Variants in RBMS3 observed in about 807,000 individuals in gnomAD.
The protein encoded by RBMS3 is RNA-binding motif, single-stranded-interacting protein 3.
A neutral mutation model predicts 66.8 loss-of-function variants in RBMS3; 27 were observed. The ratio of observed to expected loss-of-function variants is 0.40; its 90% CI spans 0.30 to 0.56. RBMS3 has a LOEUF of 0.56. RBMS3 is among the 20% of genes least tolerant of loss of function. The pLI, the probability that RBMS3 is intolerant of heterozygous loss-of-function variation, is 0.40. For synonymous variants in RBMS3, 188 were observed against 183.0 expected, an observed-to-expected ratio of 1.03 and a Z score of -0.22; for missense variants, 513 against 549.5, an observed-to-expected ratio of 0.93 and a Z score of 0.66.
intron 4 of RBMS3, among the ~76,000 whole-genome samples, chr3:29,687,548 C>G (rs1172981780): frequency 2.6e-5 from 4 of 152,076 alleles, no homozygotes; most frequent in Non-Finnish European, 5.9e-5. Flanking sequence ...CAATTTAATC[C>G]CCATTTTCCT....
chr3:29,985,006 A>T (rs924151279), intron 12 of RBMS3, among the ~76,000 whole-genome samples: 5 of 152,210 alleles, frequency 3.3e-5, no homozygotes, highest in African/African-American at 1.2e-4. Context: ...ACAGCCACTC[A>T]TACCCACAGG....
intron 4 of RBMS3, among the ~76,000 whole-genome samples, chr3:29,710,823 G>T (rs1306466218): frequency 6.6e-6 from 1 of 151,994 alleles, no homozygotes; most frequent in Non-Finnish European, 1.5e-5. Context: ...TTTATTACTT[G>T]TCACTGATTT....
chr3:29,466,120 G>C (rs2042533458), intron 2 of RBMS3, among the ~76,000 whole-genome samples: 1 of 151,894 alleles, frequency 6.6e-6, no homozygotes, highest in African/African-American at 2.4e-5. Flanking sequence ...TGCTTTTAAT[G>C]AACTATAAAA....
chr3:29,708,766 ACTAT>A lies in RBMS3; in HGVS notation c.400-30950_400-30947del, dbSNP rs1471787683. ...ATCTATTAGGAATCATCATAAGAAG[ACTAT>A]CTAACTTTGGCAGTATTGAAGGATG... is the stretch of plus-strand genomic sequence containing the variant. On this transcript the variant is annotated intron_variant, in intron 4 of 14. Coordinates refer to ENST00000383767, the MANE Select transcript of RBMS3 (RefSeq NM_001003793.3). 2.0e-5 allele frequency among the ~76,000 whole-genome samples: 3 copies of A among 152,172 alleles called. No individual in the cohort carries two copies. The East Asian group carries it at 5.8e-4, about 29-fold the overall frequency.
chr3:29,645,389 T>C (rs776764246), intron 4 of RBMS3, among the ~76,000 whole-genome samples: 1 of 152,162 alleles, frequency 6.6e-6, no homozygotes, highest in Non-Finnish European at 1.5e-5. Flanking sequence ...TCTGCCAGGG[T>C]GTCTGGTGCT....
chr3:29,524,990 G>A (rs1018561994), intron 3 of RBMS3, among the ~76,000 whole-genome samples: 5 of 151,902 alleles, frequency 3.3e-5, no homozygotes, highest in African/African-American at 1.2e-4. Flanking sequence ...GGAGTTCTAG[G>A]GTGCGGTGAG....
At chr3:29,908,020 G>A (rs2060425132) in intron 10 of RBMS3, among the ~76,000 whole-genome samples, 1 of 152,048 alleles carries the variant, frequency 6.6e-6, no homozygotes, top group Non-Finnish European at 1.5e-5. Context: ...GGCCAAGGCA[G>A]GCAGATTGCT....
chr3:29,595,078 G>T (rs2047896895), intron 4 of RBMS3, among the ~76,000 whole-genome samples: 1 of 152,156 alleles, frequency 6.6e-6, no homozygotes, highest in Non-Finnish European at 1.5e-5. Flanking sequence ...TGAAGGATAT[G>T]TGTGGAATTC....
At chr3:29,498,576 A>C (rs1280577236) in intron 3 of RBMS3, among the ~76,000 whole-genome samples, 2 of 152,208 alleles carry the variant, frequency 1.3e-5, no homozygotes, top group Non-Finnish European at 2.9e-5. Context: ...TTTCTAATTG[A>C]AGTCTATACC....
chr3:29,600,686 A>G (rs893301056), intron 4 of RBMS3, among the ~76,000 whole-genome samples: 1 of 152,156 alleles, frequency 6.6e-6, no homozygotes, highest in Non-Finnish European at 1.5e-5. Flanking sequence ...CCTGCTCGAC[A>G]AAGTCTCTGC....
intron 10 of RBMS3, among the ~76,000 whole-genome samples, chr3:29,923,770 G>A (rs992073167): frequency 1.3e-5 from 2 of 151,488 alleles, no homozygotes; most frequent in African/African-American, 4.9e-5. Context: ...TTTTATAGAA[G>A]TTTTGTAAGG....
intron 6 of RBMS3, among the ~76,000 whole-genome samples, chr3:29,776,601 C>T (rs566228707): frequency 2.2e-4 from 34 of 152,008 alleles, no homozygotes; most frequent in African/African-American, 7.7e-4. Context: ...TTCTATAGCC[C>T]CACAAAGAAT....
chr3:29,934,982 A>C (rs1271719300), intron 10 of RBMS3, among the ~76,000 whole-genome samples: 1 of 152,164 alleles, frequency 6.6e-6, no homozygotes, highest in Non-Finnish European at 1.5e-5. Context: ...CTGTCCAGTG[A>C]GAAAAATAAT....
intron 8 of RBMS3, among the ~76,000 whole-genome samples, chr3:29,892,292 G>C (rs2060018463): frequency 6.6e-6 from 1 of 151,460 alleles, no homozygotes; most frequent in Non-Finnish European, 1.5e-5. Context: ...TTAATATTTT[G>C]TTCATGTGAA....
chr3:29,794,021 C>G (rs970088694), intron 6 of RBMS3, among the ~76,000 whole-genome samples: 1 of 152,156 alleles, frequency 6.6e-6, no homozygotes, highest in Non-Finnish European at 1.5e-5. Flanking sequence ...TGCCATGTGA[C>G]GTGCCTGCTT....
intron 4 of RBMS3, among the ~76,000 whole-genome samples, chr3:29,608,610 C>T (rs1576351222): frequency 6.6e-6 from 1 of 151,994 alleles, no homozygotes; most frequent in East Asian, 1.9e-4. Flanking sequence ...AAGTTTTATA[C>T]ATAGTTTAAC....
intron 1 of RBMS3, among the ~76,000 whole-genome samples, chr3:29,286,003 C>A (rs1008270566): frequency 6.6e-6 from 1 of 152,108 alleles, no homozygotes; most frequent in African/African-American, 2.4e-5. Context: ...CATTGATATC[C>A]AGTTGGTAAC....
intron 6 of RBMS3, among the ~76,000 whole-genome samples, chr3:29,767,795 A>C (rs904605795): frequency 2.0e-5 from 3 of 151,998 alleles, no homozygotes; most frequent in African/African-American, 7.2e-5. Flanking sequence ...AATTTATCTT[A>C]TGTGATTCAA....
intron 1 of RBMS3, among the ~76,000 whole-genome samples, chr3:29,390,225 C>T (rs929528090): frequency 3.9e-5 from 6 of 152,126 alleles, no homozygotes; most frequent in African/African-American, 1.4e-4. Flanking sequence ...CCCCCTTTCC[C>T]CATCTCTTCT....
Sources: allele counts gnomAD v4.1 joint callset (sites outside exome capture counted in the v4.1 genomes callset), GRCh38; gene constraint gnomAD v4.1.1; transcripts MANE v1.5; gene names NCBI Gene and HGNC (gene_info 2026-07-23, HGNC 2026-07-21).